DZIP3: variants seen among roughly 807,000 people sequenced by gnomAD.
DZIP3 encodes DAZ interacting zinc finger protein 3, also known as E3 ubiquitin-protein ligase DZIP3.
Under a neutral mutation model 162.0 loss-of-function variants are expected in DZIP3, and 118 were observed. The observed-to-expected ratio is 0.73, with a 90% CI of 0.63 to 0.85. DZIP3 has a LOEUF of 0.85. Ranked by LOEUF, DZIP3 falls within the 40% of genes least tolerant of loss-of-function variation. The pLI is 0.00. For missense variants in DZIP3, 1,331 were observed against 1,407.0 expected (o/e 0.95, Z 0.86); for synonymous variants, 438 against 458.6 (o/e 0.96, Z 0.57).
Position 108,616,666 on chromosome 3 carries a change from T to C in DZIP3, c.375+9T>C. ...AAGCTGGCAATTATACCGTAAGTGT[T>C]TTCTTTTTGGAAATTTGATATAATG... On this transcript the variant is annotated intron_variant, in intron 5 of 32. Transcript: ENST00000361582. The C allele has an allele frequency of 6.5e-7, 1 of 1,548,900 alleles. No homozygotes were observed.
chr3:108,641,611 C>T (rs1392537525), intron 12 of DZIP3, among the ~76,000 whole-genome samples: 1 of 152,118 alleles, frequency 6.6e-6, no homozygotes, highest in African/African-American at 2.4e-5. Flanking sequence ...CTAGCTTTTG[C>T]CAAATTGTTT....
chr3:108,603,545 C>T (rs539306082), intron 1 of DZIP3, among the ~76,000 whole-genome samples: 3 of 152,268 alleles, frequency 2.0e-5, no homozygotes, highest in East Asian at 3.9e-4. Flanking sequence ...TCTAGGAAAA[C>T]TGTATTCATT....
chr3:108,663,611 C>G (rs1943543681), intron 21 of DZIP3, among the ~76,000 whole-genome samples: 1 of 151,420 alleles, frequency 6.6e-6, no homozygotes, highest in Non-Finnish European at 1.5e-5. Context: ...ATCTTTTAGC[C>G]TAAAGGGGAT....
At chr3:108,633,147 AATTAT>A (rs1181487614) in intron 9 of DZIP3, 75 bp downstream of exon 9, 17 of 661,686 alleles carry the variant, frequency 2.6e-5, no homozygotes, top group East Asian at 1.3e-4. Flanking sequence ...AAATAATAAA[AATTAT>A]ATTATGTATA....
intron 19 of DZIP3, 182 bp downstream of exon 19, chr3:108,654,492 C>T (rs538033449): frequency 9.3e-5 from 56 of 602,884 alleles, no homozygotes; most frequent in Middle Eastern, 3.6e-4. Context: ...AAAAAAAGAA[C>T]GCCTAGGAGC....
chr3:108,677,146 A>G (rs948789101), intron 25 of DZIP3, among the ~76,000 whole-genome samples: 7 of 152,008 alleles, frequency 4.6e-5, no homozygotes, highest in Admixed American at 4.6e-4. Context: ...AGCCAGTATA[A>G]TATTTATAGC....
intron 1 of DZIP3, among the ~76,000 whole-genome samples, chr3:108,590,396 C>G (rs1288781510): frequency 2.0e-5 from 3 of 152,078 alleles, no homozygotes; most frequent in Non-Finnish European, 4.4e-5. Flanking sequence ...TTTTGAATTA[C>G]TAGATTTTTG....
chr3:108,630,202 CTT>C (rs1179277183), intron 8 of DZIP3, among the ~76,000 whole-genome samples: 3 of 151,976 alleles, frequency 2.0e-5, no homozygotes, highest in African/African-American at 4.8e-5. Context: ...CCATTTGTGT[CTT>C]TTTAATTTGT....
chr3:108,616,210 G>A (rs950374651), intron 4 of DZIP3, among the ~76,000 whole-genome samples: 20 of 151,980 alleles, frequency 1.3e-4, no homozygotes, highest in African/African-American at 4.6e-4. Context: ...CTTGCAGTGA[G>A]CTGAGATTGC....
intron 4 of DZIP3, among the ~76,000 whole-genome samples, chr3:108,611,963 C>A (rs202107997): frequency 1.2e-3 from 172 of 141,786 alleles, no homozygotes; most frequent in South Asian, 1.6e-3. Context: ...CACTCTGTCT[C>A]AAAAAAAAAA....
At chr3:108,677,683 T>C in intron 26 of DZIP3, 85 bp downstream of exon 26, 1 of 1,190,094 alleles carries the variant, frequency 8.4e-7, no homozygotes, top group Non-Finnish European at 1.3e-6. Context: ...TGCAGTATGT[T>C]TAACGTGTGT....
At position 108,618,205 on chromosome 3, in the gene DZIP3, T is replaced by A. The variant is rs550565878; in HGVS notation, c.375+1548T>A. On this transcript the variant is annotated intron_variant, in intron 5 of 32. Coordinates refer to ENST00000361582, the MANE Select transcript of DZIP3 (RefSeq NM_014648.4). ...GGACAGGGGCTTTAGGTTAGAAATG[T>A]ACAACTTGCATCTTTAAATTCCAGA... is the stretch of plus-strand genomic sequence containing the variant. 1.3e-3 allele frequency among the ~76,000 whole-genome samples: 193 copies of A among 152,352 alleles called. 1 individual carries two copies. The Middle Eastern group carries it at 0.014, about 11-fold the overall frequency.
At chr3:108,657,144 A>T (rs1272162870) in intron 19 of DZIP3, among the ~76,000 whole-genome samples, 1 of 152,200 alleles carries the variant, frequency 6.6e-6, no homozygotes, top group Non-Finnish European at 1.5e-5. Flanking sequence ...AGAACGCCAC[A>T]AAGATACTAC....
At chr3:108,666,060 A>T (rs1315793615) in intron 21 of DZIP3, among the ~76,000 whole-genome samples, 1 of 152,126 alleles carries the variant, frequency 6.6e-6, no homozygotes, top group African/African-American at 2.4e-5. Context: ...TAAGATAAAT[A>T]ATAAGAAGTT....
intron 21 of DZIP3, among the ~76,000 whole-genome samples, chr3:108,664,951 G>A (rs1195585874): frequency 6.6e-6 from 1 of 152,192 alleles, no homozygotes; most frequent in African/African-American, 2.4e-5. Flanking sequence ...GTAGAGCTCA[G>A]TGCAAAGCCA....
intron 5 of DZIP3, among the ~76,000 whole-genome samples, chr3:108,619,501 C>A (rs1941214958): frequency 6.6e-6 from 1 of 152,124 alleles, no homozygotes; most frequent in Admixed American, 6.5e-5. Context: ...TGTGATATAA[C>A]TCATCCCAGT....
intron 17 of DZIP3, 107 bp downstream of exon 17, chr3:108,649,069 G>T: frequency 1.6e-6 from 1 of 606,768 alleles, no homozygotes; most frequent in African/African-American, 2.0e-5. Flanking sequence ...TAGCACAAAT[G>T]ATTCAATAGC....
chr3:108,636,574 T>A (rs1227331197), intron 10 of DZIP3, 42 bp from the exon 11 acceptor site: 1 of 1,142,624 alleles, frequency 8.8e-7, no homozygotes. Context: ...TGCACATCAG[T>A]GATTTTTTTC....
At position 108,616,664 on chromosome 3, in the gene DZIP3, G is replaced by A. The variant is rs1941034752; in HGVS notation, c.375+7G>A. On this transcript the variant is annotated splice_region_variant and intron_variant, in intron 5 of 32. Transcript: ENST00000361582. ...TCAAGCTGGCAATTATACCGTAAGT[G>A]TTTTCTTTTTGGAAATTTGATATAA... The A allele has an allele frequency of 6.4e-7, 1 of 1,557,150 alleles. No homozygotes were observed. Among genetic ancestry groups the A allele is most frequent in the South Asian group, 1.2e-5 (1 of 83,906 alleles).
Sources: gnomAD v4.1 joint callset for allele counts (sites outside exome capture counted in the v4.1 genomes callset) on GRCh38, gnomAD v4.1.1 for gene constraint, MANE v1.5 for transcripts, NCBI Gene and HGNC (gene_info 2026-07-23, HGNC 2026-07-21) for gene names.